Variants in ATXN1 observed in about 807,000 individuals in gnomAD.
The protein encoded by ATXN1 is ataxin-1.
ATXN1 carries 8 observed loss-of-function variants against 56.4 expected under a neutral mutation model. The ratio of observed to expected loss-of-function variants is 0.14; its 90% CI spans 0.08 to 0.26. The LOEUF (loss-of-function observed/expected upper bound fraction) is 0.26, where lower values mean the gene tolerates loss of function less well. ATXN1 is among the 10% of genes least tolerant of loss of function. The pLI, the probability that ATXN1 is intolerant of heterozygous loss-of-function variation, is 1.00. For synonymous variants in ATXN1, 514 were observed against 494.6 expected, an observed-to-expected ratio of 1.04 and a Z score of -0.52; for missense variants, 987 against 1,106.5, an observed-to-expected ratio of 0.89 and a Z score of 1.53.
intron 6 of ATXN1, among the ~76,000 whole-genome samples, chr6:16,440,422 G>A (rs1014459460): frequency 2.0e-5 from 3 of 150,930 alleles, no homozygotes; most frequent in Non-Finnish European, 2.9e-5. Context: ...GCAAAAGAAC[G>A]TGGGAAAGAA....
intron 6 of ATXN1, among the ~76,000 whole-genome samples, chr6:16,369,356 C>T (rs1007310123): frequency 6.6e-6 from 1 of 152,186 alleles, no homozygotes; most frequent in African/African-American, 2.4e-5. Flanking sequence ...CGTACCTCCA[C>T]CCACATGGAT....
At chr6:16,546,720 G>A (rs1051255188) in intron 4 of ATXN1, among the ~76,000 whole-genome samples, 1 of 152,292 alleles carries the variant, frequency 6.6e-6, no homozygotes, top group Middle Eastern at 3.4e-3. Flanking sequence ...GTATTTTCAT[G>A]GAGTTTCGTA....
At chr6:16,387,080 C>G (rs988917435) in intron 6 of ATXN1, among the ~76,000 whole-genome samples, 1 of 152,188 alleles carries the variant, frequency 6.6e-6, no homozygotes, top group Non-Finnish European at 1.5e-5. Context: ...ATAGCAGATG[C>G]TTAGTGCATG....
At chr6:16,476,417 G>C (rs1303376524) in intron 6 of ATXN1, among the ~76,000 whole-genome samples, 1 of 151,900 alleles carries the variant, frequency 6.6e-6, no homozygotes, top group Admixed American at 6.6e-5. Context: ...ATTCACATTA[G>C]TTGTATTTCT....
chr6:16,482,345 C>A (rs1242021972), intron 6 of ATXN1, among the ~76,000 whole-genome samples: 1 of 152,198 alleles, frequency 6.6e-6, no homozygotes, highest in East Asian at 1.9e-4. Flanking sequence ...ACCATCCCTC[C>A]TTTTGCAGAG....
chr6:16,372,934 TAAAC>T (rs58286188), intron 6 of ATXN1, among the ~76,000 whole-genome samples: 18,147 of 148,740 alleles, frequency 0.12, 2,138 homozygotes, highest in African/African-American at 0.31. Flanking sequence ...AATAAATAAA[TAAAC>T]AAACAAACAA....
intron 6 of ATXN1, among the ~76,000 whole-genome samples, chr6:16,437,864 G>A (rs370143359): frequency 7.9e-5 from 12 of 152,184 alleles, no homozygotes; most frequent in South Asian, 4.1e-4. Context: ...GAAATGCACT[G>A]TCCATGGACC....
At chr6:16,466,357 A>G in intron 6 of ATXN1, among the ~76,000 whole-genome samples, 1 of 145,500 alleles carries the variant, frequency 6.9e-6, no homozygotes, top group Non-Finnish European at 1.5e-5. Context: ...AAAAGGCCTA[A>G]ATGTCAGGAG....
chr6:16,360,123 T>C (rs1761777770), intron 6 of ATXN1, among the ~76,000 whole-genome samples: 2 of 152,104 alleles, frequency 1.3e-5, no homozygotes, highest in Admixed American at 1.3e-4. Flanking sequence ...TTATATTAAA[T>C]GCAGCAGAGA....
At chr6:16,742,646 G>A (rs1046381730) in intron 2 of ATXN1, among the ~76,000 whole-genome samples, 1 of 152,160 alleles carries the variant, frequency 6.6e-6, no homozygotes, top group Non-Finnish European at 1.5e-5. Flanking sequence ...ACCTGGAGAA[G>A]GCGTCCTCAC....
intron 3 of ATXN1, 76 bp downstream of exon 3, chr6:16,657,700 A>G (rs529008248): frequency 6.6e-6 from 1 of 152,234 alleles, no homozygotes; most frequent in Non-Finnish European, 1.5e-5. Flanking sequence ...CTTGAAGAAG[A>G]AGTTCTGGTA....
At chr6:16,538,392 A>G (rs1193752116) in intron 4 of ATXN1, among the ~76,000 whole-genome samples, 1 of 152,196 alleles carries the variant, frequency 6.6e-6, no homozygotes, top group East Asian at 1.9e-4. Flanking sequence ...CTGTTATTCA[A>G]TGATTCCAAA....
chr6:16,387,107 A>G (rs1024690233), intron 6 of ATXN1, among the ~76,000 whole-genome samples: 1 of 152,234 alleles, frequency 6.6e-6, no homozygotes, highest in African/African-American at 2.4e-5. Context: ...TGTTAAATAC[A>G]TGCATCTGGC....
intron 6 of ATXN1, among the ~76,000 whole-genome samples, chr6:16,378,301 T>C (rs767925409): frequency 6.6e-6 from 1 of 152,228 alleles, no homozygotes; most frequent in Non-Finnish European, 1.5e-5. Flanking sequence ...TAGATTTAGA[T>C]ACCATGCTAT....
Position 16,306,755 on chromosome 6 carries a change from G to A in ATXN1, c.2022C>T (p.Ser674=). ...RTSQLFDLPC[S]KLSVGDVCIS... is the part of the protein sequence containing the mutation. ...TGCAGACATCCCCAACTGAGAGTTT[G>A]GAACACGGCAAATCAAAGAGCTGGC... Residue 674 remains serine, a synonymous_variant, in exon 8 of 8, where the codon TCC becomes TCT. Coordinates refer to ENST00000436367, the MANE Select transcript of ATXN1 (RefSeq NM_001128164.2). This position sits in a 1 kb window ranked among gnomAD's most constrained non-coding sequence, Gnocchi z 5.2. The A allele has an allele frequency of 6.2e-7, 1 of 1,614,106 alleles. No individual in the cohort carries two copies. The highest frequency in any genetic ancestry group is 8.5e-7 in the Non-Finnish European group (1 of 1,179,966).
intron 6 of ATXN1, among the ~76,000 whole-genome samples, chr6:16,426,702 A>G (rs905776953): frequency 4.0e-5 from 6 of 151,758 alleles, no homozygotes; most frequent in Non-Finnish European, 5.9e-5. Flanking sequence ...GGACACTTTA[A>G]CCAAGCAGCC....
chr6:16,691,323 T>G (rs1448092894), intron 2 of ATXN1, among the ~76,000 whole-genome samples: 1 of 152,200 alleles, frequency 6.6e-6, no homozygotes, highest in African/African-American at 2.4e-5. Context: ...TAAGTAAAAT[T>G]TACTGAAAGG....
At chr6:16,626,683 A>G (rs1385631991) in intron 3 of ATXN1, among the ~76,000 whole-genome samples, 1 of 152,182 alleles carries the variant, frequency 6.6e-6, no homozygotes, top group East Asian at 1.9e-4. Context: ...AACCACTCAA[A>G]ATTCATGTGT....
At chr6:16,433,029 G>C (rs1174185847) in intron 6 of ATXN1, 1 of 152,096 alleles carries the variant, frequency 6.6e-6, no homozygotes, top group Non-Finnish European at 1.5e-5. Flanking sequence ...CATGTAGCTC[G>C]ATCTACCGCA....
Sources: allele counts gnomAD v4.1 joint callset (sites outside exome capture counted in the v4.1 genomes callset), GRCh38; gene constraint gnomAD v4.1.1; non-coding constraint Gnocchi (gnomAD v3.1); transcripts MANE v1.5; gene names NCBI Gene and HGNC (gene_info 2026-07-23, HGNC 2026-07-21).